SCNN1B: variants seen among roughly 807,000 people sequenced by gnomAD.
SCNN1B encodes the protein epithelial sodium channel subunit beta.
Under a neutral mutation model 65.3 loss-of-function variants are expected in SCNN1B, and 46 were observed. The observed-to-expected ratio is 0.70, with a 90% CI of 0.56 to 0.90. The LOEUF (loss-of-function observed/expected upper bound fraction) is 0.90. SCNN1B is among the 40% of genes least tolerant of loss of function. The pLI, the probability that SCNN1B is intolerant of heterozygous loss-of-function variation, is 0.00. For missense variants in SCNN1B, 751 were observed against 830.5 expected, an observed-to-expected ratio of 0.90 and a Z score of 1.18; for synonymous variants, 349 against 330.6, an observed-to-expected ratio of 1.06 and a Z score of -0.60.
chr16:23,300,993 C>CGTGTGTGTGTGT (rs60930177), upstream of SCNN1B, among the ~76,000 whole-genome samples: 14,765 of 148,320 alleles, frequency 0.1, 775 homozygotes, highest in Middle Eastern at 0.17. Flanking sequence ...GTTAAAAACA[C>CGTGTGTGTGTGT]GTGTGTGTGT....
chr16:23,380,406 C>A lies in SCNN1B; in HGVS notation c.1543-15C>A, dbSNP rs753156687. 1.9e-6 allele frequency: 3 copies of A among 1,613,926 alleles called. No homozygotes were observed. Among genetic ancestry groups the A allele is most frequent in the Non-Finnish European group, 1.7e-6 (2 of 1,180,034 alleles). On this transcript the variant is annotated splice_polypyrimidine_tract_variant and intron_variant, in intron 12 of 12. Coordinates refer to ENST00000343070, the MANE Select transcript of SCNN1B (RefSeq NM_000336.3). The surrounding 1 kb of genome is among the most constrained non-coding windows in gnomAD (Gnocchi z 5.4). ...TGTGTGGCCTGAGCTCACCCCAGCT[C>A]CCTGTTCCCCACAGATCGTCTGGCT...
chr16:23,377,627 T>TCCC (rs1463775377), intron 10 of SCNN1B, among the ~76,000 whole-genome samples: 5 of 108,822 alleles, frequency 4.6e-5, no homozygotes, highest in African/African-American at 1.8e-4. Context: ...CCTTCCTTCA[T>TCCC]TCCTTCTCCC....
chr16:23,324,680 T>A (rs1044007650), intron 1 of SCNN1B, among the ~76,000 whole-genome samples: 7 of 152,118 alleles, frequency 4.6e-5, no homozygotes, highest in African/African-American at 1.7e-4. Flanking sequence ...CTTCTCCACC[T>A]CTACCCATCC....
intron 1 of SCNN1B, among the ~76,000 whole-genome samples, chr16:23,326,954 T>C (rs935865413): frequency 5.3e-5 from 8 of 152,104 alleles, no homozygotes; most frequent in Admixed American, 3.3e-4. Context: ...TTTATTGCTA[T>C]TGCCCAGGCT....
chr16:23,379,798 G>A (rs980485054), intron 11 of SCNN1B, among the ~76,000 whole-genome samples: 2 of 152,210 alleles, frequency 1.3e-5, no homozygotes, highest in African/African-American at 4.8e-5. Context: ...CCATAGGATG[G>A]GTGCTGGGCA....
At chr16:23,377,596 T>A (rs1456635753) in intron 10 of SCNN1B, among the ~76,000 whole-genome samples, 1 of 137,612 alleles carries the variant, frequency 7.3e-6, no homozygotes, top group Non-Finnish European at 1.5e-5. Flanking sequence ...CCCTTCTCCC[T>A]TCCTTCCTTC....
At chr16:23,296,148 C>T (rs1021707271) in intron 2 of SCNN1B, among the ~76,000 whole-genome samples, 5 of 152,184 alleles carry the variant, frequency 3.3e-5, no homozygotes, top group Admixed American at 6.5e-5. Flanking sequence ...GTGACCCAGA[C>T]GTACCAGGAG....
chr16:23,327,887 C>T (rs935104874), intron 1 of SCNN1B, among the ~76,000 whole-genome samples: 1 of 152,190 alleles, frequency 6.6e-6, no homozygotes, highest in African/African-American at 2.4e-5. Context: ...GAAGGTTTTC[C>T]TCACAGCTAT....
chr16:23,315,632 ACT>A (rs1474088229), intron 1 of SCNN1B, among the ~76,000 whole-genome samples: 3 of 151,486 alleles, frequency 2.0e-5, no homozygotes, highest in Admixed American at 1.3e-4. Context: ...ACATAGTGAG[ACT>A]CTCTCTATAA....
At chr16:23,334,452 G>A (rs1961894455) in intron 1 of SCNN1B, among the ~76,000 whole-genome samples, 1 of 152,176 alleles carries the variant, frequency 6.6e-6, no homozygotes, top group Non-Finnish European at 1.5e-5. Flanking sequence ...GGTGGCATGT[G>A]ACCAATGGCA....
intron 1 of SCNN1B, among the ~76,000 whole-genome samples, chr16:23,333,382 G>C (rs1291628641): frequency 6.6e-6 from 1 of 152,176 alleles, no homozygotes; most frequent in Non-Finnish European, 1.5e-5. Context: ...GCCAGGGAGT[G>C]ACTCAGTCCC....
rs1364374992 is a variant in SCNN1B, at chr16:23,331,449, CA to C, written c.-8-17140del. On this transcript the variant is annotated intron_variant, in intron 1 of 12. Transcript: ENST00000343070. ...AAGTGATTCTCCTGCGTCAGCCTCCCAAATAGCTGCTATTACAAGTACCCAC... is the reference window on the plus strand; with the variant it reads ...AAGTGATTCTCCTGCGTCAGCCTCCCAATAGCTGCTATTACAAGTACCCAC... Among the ~76,000 whole-genome samples, 9 of 151,990 alleles carry C rather than the reference CA, an allele frequency of 5.9e-5. No individual in the cohort carries two copies. The South Asian group carries it at 1.7e-3, about 28-fold the overall frequency.
chr16:23,314,954 G>T (rs983484329), intron 1 of SCNN1B, among the ~76,000 whole-genome samples: 2 of 152,172 alleles, frequency 1.3e-5, no homozygotes, highest in African/African-American at 4.8e-5. Flanking sequence ...GGAACGCGTG[G>T]CCCAGACCAG....
At chr16:23,314,318 A>G (rs770591525) in intron 1 of SCNN1B, among the ~76,000 whole-genome samples, 6 of 152,084 alleles carry the variant, frequency 3.9e-5, no homozygotes, top group Non-Finnish European at 8.8e-5. Flanking sequence ...GTGAACTGCC[A>G]CGCCCGGCCA....
At chr16:23,341,127 G>A (rs1332738887) in intron 1 of SCNN1B, among the ~76,000 whole-genome samples, 2 of 152,120 alleles carry the variant, frequency 1.3e-5, no homozygotes, top group Non-Finnish European at 2.9e-5. Flanking sequence ...TCTAATCTAT[G>A]AGCATGGTAT....
chr16:23,371,938 C>A, intron 7 of SCNN1B, 55 bp downstream of exon 7: 2 of 1,276,576 alleles, frequency 1.6e-6, no homozygotes, highest in Non-Finnish European at 2.3e-6. Context: ...GTTTATGGGG[C>A]CAAGGCCTCA....
At chr16:23,367,767 A>G (rs1962699813) in intron 4 of SCNN1B, 89 bp from the exon 5 acceptor site, 1 of 1,036,592 alleles carries the variant, frequency 9.6e-7, no homozygotes, top group African/African-American at 1.6e-5. Flanking sequence ...GAGCCCCTCC[A>G]AGGAGGAAAT....
chr16:23,300,149 C>G (rs1036981283), upstream of SCNN1B, among the ~76,000 whole-genome samples: 5 of 152,076 alleles, frequency 3.3e-5, no homozygotes, highest in Admixed American at 2.6e-4. Context: ...AATGAGAACA[C>G]ATGGACACAG....
chr16:23,358,888 CAG>C (rs1007702593), intron 4 of SCNN1B, among the ~76,000 whole-genome samples: 2 of 152,368 alleles, frequency 1.3e-5, no homozygotes, highest in Admixed American at 6.5e-5. Flanking sequence ...GCCTGGGCGA[CAG>C]GGGGAGACTC....
Sources: gnomAD v4.1 joint callset for allele counts (sites outside exome capture counted in the v4.1 genomes callset) on GRCh38, gnomAD v4.1.1 for gene constraint, Gnocchi (gnomAD v3.1) non-coding constraint, MANE v1.5 for transcripts, NCBI Gene and HGNC (gene_info 2026-07-23, HGNC 2026-07-21) for gene names.